The following C10orf67 variants were observed in gnomAD, a reference collection of about 807,000 sequenced individuals.
The protein encoded by C10orf67 is uncharacterized protein C10orf67, mitochondrial.
Under a neutral mutation model 35.6 loss-of-function variants are expected in C10orf67, and 60 were observed. The observed-to-expected ratio is 1.68, with a 90% CI of 1.37 to 2.09. The LOEUF is 2.09. Ranked by LOEUF, C10orf67 falls within the 30% of genes most tolerant of loss-of-function variation. C10orf67 has a pLI of 0.00. For missense variants in C10orf67, 474 were observed against 330.2 expected (o/e 1.44, Z -3.38); for synonymous variants, 167 against 115.8 (o/e 1.44, Z -2.84).
intron 8 of C10orf67, among the ~76,000 whole-genome samples, chr10:23,281,564 G>A (rs984855792): frequency 2.6e-4 from 40 of 152,254 alleles, no homozygotes; most frequent in African/African-American, 9.1e-4. Context: ...AAGACCAGCC[G>A]TCTGGAAAGT....
At chr10:23,296,485 G>T (rs1371917898) in intron 5 of C10orf67, among the ~76,000 whole-genome samples, 2 of 152,190 alleles carry the variant, frequency 1.3e-5, no homozygotes, top group Non-Finnish European at 2.9e-5. Context: ...TAGGCTTAGG[G>T]ATTCTTAGTC....
At chr10:23,267,145 G>A (rs1287602699) in intron 9 of C10orf67, 50 bp downstream of exon 9, 1 of 689,696 alleles carries the variant, frequency 1.4e-6, no homozygotes. Flanking sequence ...CAAAATCAGA[G>A]AAGCACAAAA....
intron 10 of C10orf67, among the ~76,000 whole-genome samples, chr10:23,259,885 A>G (rs1486101931): frequency 1.3e-5 from 2 of 152,302 alleles, no homozygotes; most frequent in African/African-American, 4.8e-5. Flanking sequence ...AAAGAAAAAA[A>G]GTAGTTCAAA....
chr10:23,235,301 T>C lies in C10orf67; in HGVS notation c.1434+4428A>G, dbSNP rs550444047. On this transcript the variant is annotated intron_variant, in intron 13 of 15. Transcript: ENST00000636213. ...ATTGTCACAGACACAGAGAATACAA[T>C]CTGCCACAGAAAAAATAACTAAGTT... Among the ~76,000 whole-genome samples, 7 of 152,128 alleles carry C rather than the reference T, an allele frequency of 4.6e-5. 1 individual carries two copies. The highest frequency in any genetic ancestry group is 1.7e-4 in the African/African-American group (7 of 41,522).
intron 4 of C10orf67, among the ~76,000 whole-genome samples, chr10:23,309,361 G>A (rs1030950981): frequency 1.3e-5 from 2 of 152,100 alleles, no homozygotes; most frequent in East Asian, 1.9e-4. Context: ...ACATAAGGAC[G>A]AAAATAATGG....
intron 10 of C10orf67, among the ~76,000 whole-genome samples, chr10:23,260,211 T>C (rs1263018525): frequency 6.6e-6 from 1 of 152,078 alleles, no homozygotes; most frequent in Non-Finnish European, 1.5e-5. Flanking sequence ...TCAGGAACTA[T>C]GCAAGCCGAA....
At chr10:23,261,019 A>G (rs755994142) in intron 10 of C10orf67, among the ~76,000 whole-genome samples, 16 of 152,260 alleles carry the variant, frequency 1.1e-4, no homozygotes, top group Non-Finnish European at 2.1e-4. Flanking sequence ...ATCACACTCG[A>G]GGTTGTTTAG....
intron 12 of C10orf67, among the ~76,000 whole-genome samples, chr10:23,243,704 A>T (rs1842241926): frequency 6.6e-6 from 1 of 151,892 alleles, no homozygotes. Flanking sequence ...AAAAAAAAAA[A>T]ATTCATTCTT....
intron 12 of C10orf67, among the ~76,000 whole-genome samples, chr10:23,248,159 T>C (rs1488435101): frequency 1.3e-5 from 2 of 152,110 alleles, no homozygotes; most frequent in African/African-American, 4.8e-5. Context: ...ATAAACATGG[T>C]GGGCAAAAGT....
chr10:23,342,186 C>T (rs1172788701), intron 1 of C10orf67, among the ~76,000 whole-genome samples: 1 of 150,288 alleles, frequency 6.7e-6, no homozygotes, highest in Non-Finnish European at 1.5e-5. Context: ...CAAAACAAAA[C>T]AAAAATTAAA....
intron 3 of C10orf67, among the ~76,000 whole-genome samples, chr10:23,321,584 T>C (rs544885840): frequency 1.3e-5 from 2 of 152,320 alleles, no homozygotes; most frequent in Non-Finnish European, 2.9e-5. Context: ...TGTCTGACCT[T>C]AAGCAAGTTA....
chr10:23,334,725 T>C (rs1229838305), intron 1 of C10orf67, among the ~76,000 whole-genome samples: 1 of 152,146 alleles, frequency 6.6e-6, no homozygotes, highest in Non-Finnish European at 1.5e-5. Flanking sequence ...GAAGGGTCTG[T>C]TGGGGGCTAG....
chr10:23,204,145 C>G lies in C10orf67; in HGVS notation c.*28G>C. 4.0e-6 allele frequency: 2 copies of G among 498,602 alleles called. No individual in the cohort carries two copies. The allele number at this position is 498,602 out of a possible 1,614,324, so 30.9% of individuals were successfully genotyped here. ...GGCGAGGCCACTCTTTCTGAGGCCC[C>G]GTCTGCGCAGCCCAGGCTTCTGCTG... On this transcript the variant is annotated 3_prime_UTR_variant, in exon 16 of 16. Coordinates refer to ENST00000636213, the MANE Select transcript of C10orf67 (RefSeq NM_001371909.1).
At chr10:23,206,777 A>C (rs1588569992) in intron 15 of C10orf67, among the ~76,000 whole-genome samples, 1 of 152,328 alleles carries the variant, frequency 6.6e-6, no homozygotes, top group East Asian at 1.9e-4. Flanking sequence ...TTAATGACAA[A>C]GTTTCAATGA....
intron 1 of C10orf67, among the ~76,000 whole-genome samples, chr10:23,335,568 CTGA>C (rs1845648599): frequency 6.6e-6 from 1 of 152,046 alleles, no homozygotes; most frequent in South Asian, 2.1e-4. Context: ...TACTGTCACT[CTGA>C]TGTTTTGAAA....
intron 5 of C10orf67, among the ~76,000 whole-genome samples, chr10:23,300,082 T>A (rs1264482744): frequency 1.3e-5 from 2 of 151,960 alleles, no homozygotes; most frequent in East Asian, 3.9e-4. Context: ...GTGAGGGTGA[T>A]GGCATGGGCT....
At chr10:23,233,036 A>T (rs1445670112) in intron 13 of C10orf67, among the ~76,000 whole-genome samples, 1 of 152,192 alleles carries the variant, frequency 6.6e-6, no homozygotes, top group Non-Finnish European at 1.5e-5. Flanking sequence ...GCACACCTGC[A>T]GTCCCAGCTA....
At chr10:23,323,064 A>C (rs1845020188) in intron 2 of C10orf67, among the ~76,000 whole-genome samples, 2 of 152,166 alleles carry the variant, frequency 1.3e-5, no homozygotes, top group African/African-American at 4.8e-5. Context: ...TTAATTTGCC[A>C]AACTAAGATA....
chr10:23,252,454 CT>C (rs1352509085), intron 10 of C10orf67, among the ~76,000 whole-genome samples: 28 of 152,220 alleles, frequency 1.8e-4, no homozygotes, highest in African/African-American at 6.7e-4. Flanking sequence ...GGGCCAAGTG[CT>C]TTTCTTGTTC....
Sources: allele counts gnomAD v4.1 joint callset (sites outside exome capture counted in the v4.1 genomes callset), GRCh38; gene constraint gnomAD v4.1.1; transcripts MANE v1.5; gene names NCBI Gene and HGNC (gene_info 2026-07-23, HGNC 2026-07-21).